The following DPYD variants were observed in gnomAD, a reference collection of about 807,000 sequenced individuals.
DPYD encodes dihydropyrimidine dehydrogenase.
A neutral mutation model predicts 116.2 loss-of-function variants in DPYD; 109 were observed. The ratio of observed to expected loss-of-function variants is 0.94; its 90% CI spans 0.80 to 1.10. The LOEUF (loss-of-function observed/expected upper bound fraction) is 1.10, where lower values mean the gene tolerates loss of function less well. Among genes scored for constraint, DPYD ranks in the 50% least tolerant of loss-of-function variants. The pLI, the probability that DPYD is intolerant of heterozygous loss-of-function variation, is 0.00. For missense variants in DPYD, 1,302 were observed against 1,254.5 expected, an observed-to-expected ratio of 1.04 and a Z score of -0.57; for synonymous variants, 440 against 432.0, an observed-to-expected ratio of 1.02 and a Z score of -0.23.
At chr1:97,134,017 ATATATATATATATATATATATATATATAT>A (rs1557883356) in intron 20 of DPYD, among the ~76,000 whole-genome samples, 645 of 16,138 alleles carry the variant, frequency 0.04, 91 homozygotes, top group African/African-American at 0.09. Context: ...AAAAAAAAAT[ATATATATATATATATATATATATATATAT>A]ATATATATAT....
chr1:97,723,527 C>T (rs77013890), intron 4 of DPYD, among the ~76,000 whole-genome samples: 130 of 151,430 alleles, frequency 8.6e-4, no homozygotes, highest in Non-Finnish European at 1.0e-4. Context: ...CTAGTCCATT[C>T]GATTCATTAC....
chr1:97,739,271 A>T (rs1208004521), intron 4 of DPYD, among the ~76,000 whole-genome samples: 7 of 152,136 alleles, frequency 4.6e-5, no homozygotes, highest in African/African-American at 1.4e-4. Flanking sequence ...TAATCACTAT[A>T]TTAGACATTT....
chr1:97,252,987 A>G (rs1243392320), intron 18 of DPYD, among the ~76,000 whole-genome samples: 2 of 152,186 alleles, frequency 1.3e-5, no homozygotes, highest in African/African-American at 4.8e-5. Context: ...CTTAAAATTT[A>G]AAATTTGAAA....
chr1:97,503,211 T>G (rs1679694437), intron 13 of DPYD, among the ~76,000 whole-genome samples: 1 of 152,036 alleles, frequency 6.6e-6, no homozygotes, highest in Admixed American at 6.6e-5. Context: ...TATACAATAT[T>G]TCTCTTTATA....
intron 5 of DPYD, among the ~76,000 whole-genome samples, chr1:97,714,811 T>C (rs1662518061): frequency 6.6e-6 from 1 of 152,142 alleles, no homozygotes; most frequent in Non-Finnish European, 1.5e-5. Context: ...GATACTGCTG[T>C]GGCCTTACAG....
intron 2 of DPYD, 61 bp from the exon 3 acceptor site, chr1:97,828,257 C>T: frequency 6.7e-7 from 1 of 1,490,206 alleles, no homozygotes. Context: ...TGTATCTATG[C>T]AGTTATGCAA....
At chr1:97,259,683 T>G (rs1329084319) in intron 18 of DPYD, among the ~76,000 whole-genome samples, 3 of 152,136 alleles carry the variant, frequency 2.0e-5, no homozygotes, top group Admixed American at 6.6e-5. Context: ...GAGTGAAAAC[T>G]GTACAATAAT....
At chr1:97,209,033 T>A (rs2101866413) in intron 19 of DPYD, among the ~76,000 whole-genome samples, 1 of 152,202 alleles carries the variant, frequency 6.6e-6, no homozygotes, top group East Asian at 1.9e-4. Flanking sequence ...ACCAAAATGA[T>A]CATATCTTTG....
chr1:97,229,393 A>G (rs1003869985), intron 19 of DPYD, among the ~76,000 whole-genome samples: 9 of 150,308 alleles, frequency 6.0e-5, no homozygotes, highest in Non-Finnish European at 1.3e-4. Flanking sequence ...ACTATACTGA[A>G]CGAAAGGTTA....
chr1:97,649,931 A>G (rs1010633846), intron 8 of DPYD, among the ~76,000 whole-genome samples: 1 of 152,050 alleles, frequency 6.6e-6, no homozygotes, highest in African/African-American at 2.4e-5. Flanking sequence ...CCCTTGCTAT[A>G]GCCTCTTAAA....
chr1:97,166,905 C>G (rs2101758691), intron 20 of DPYD, among the ~76,000 whole-genome samples: 1 of 152,262 alleles, frequency 6.6e-6, no homozygotes, highest in East Asian at 1.9e-4. Context: ...GGAATATTAT[C>G]AAAGTACCAT....
At chr1:97,327,198 T>A (rs1268390888) in intron 16 of DPYD, among the ~76,000 whole-genome samples, 1 of 152,030 alleles carries the variant, frequency 6.6e-6, no homozygotes, top group African/African-American at 2.4e-5. Context: ...CCTATTAGCT[T>A]TACGGTGCTT....
At chr1:97,476,688 A>T (rs1677981092) in intron 13 of DPYD, among the ~76,000 whole-genome samples, 1 of 152,114 alleles carries the variant, frequency 6.6e-6, no homozygotes, top group African/African-American at 2.4e-5. Flanking sequence ...ACGTATAAAG[A>T]TATGTGCACA....
At chr1:97,865,807 G>A (rs559683101) in intron 2 of DPYD, among the ~76,000 whole-genome samples, 27 of 152,002 alleles carry the variant, frequency 1.8e-4, no homozygotes, top group Non-Finnish European at 2.9e-4. Context: ...GTTTTTAAAA[G>A]AAGCCTAATA....
In DPYD at chr1:97,512,011, G is replaced by A. The variant is rs556021902; in HGVS notation, c.1740+3715C>T. 6.1e-4 allele frequency among the ~76,000 whole-genome samples: 92 copies of A among 151,826 alleles called. 1 individual carries two copies. The highest frequency in any genetic ancestry group is 2.1e-3 in the African/African-American group (88 of 41,472). On this transcript the variant is annotated intron_variant, in intron 13 of 22. Transcript: ENST00000370192. The stretch of plus-strand genomic sequence containing the variant: ...TTTTTTAATTGGCCTTTTCTCCTTC[G>A]ATTGAGATCAATACTCAAAACATTC...
At chr1:97,183,745 A>G (rs1657802610) in intron 20 of DPYD, among the ~76,000 whole-genome samples, 1 of 152,020 alleles carries the variant, frequency 6.6e-6, no homozygotes, top group African/African-American at 2.4e-5. Context: ...GTCTTCTTTA[A>G]TTTTTCTTCA....
intron 3 of DPYD, among the ~76,000 whole-genome samples, chr1:97,813,931 C>G (rs1016166790): frequency 6.6e-6 from 1 of 151,592 alleles, no homozygotes; most frequent in East Asian, 1.9e-4. Flanking sequence ...CACACACACA[C>G]ACACACACAC....
chr1:97,885,650 C>T (rs763734538), intron 1 of DPYD, among the ~76,000 whole-genome samples: 5 of 152,002 alleles, frequency 3.3e-5, no homozygotes, highest in Admixed American at 1.3e-4. Context: ...ACTTAACTTA[C>T]AAACAGCTAC....
chr1:97,195,516 T>G (rs1658691929), intron 19 of DPYD, among the ~76,000 whole-genome samples: 4 of 61,156 alleles, frequency 6.5e-5, no homozygotes, highest in East Asian at 6.4e-4. Context: ...GGGAATGGGA[T>G]AAGGAGAGAG....
Sources: gnomAD v4.1 joint callset for allele counts (sites outside exome capture counted in the v4.1 genomes callset) on GRCh38, gnomAD v4.1.1 for gene constraint, MANE v1.5 for transcripts, NCBI Gene and HGNC (gene_info 2026-07-23, HGNC 2026-07-21) for gene names.